Variants in MAP4K3 observed in about 807,000 individuals in gnomAD.
MAP4K3 encodes the protein MAPK/ERK kinase kinase kinase 3.
MAP4K3 carries 94 observed loss-of-function variants against 143.5 expected under a neutral mutation model. The ratio of observed to expected loss-of-function variants is 0.65; its 90% CI spans 0.55 to 0.78. The LOEUF (loss-of-function observed/expected upper bound fraction) is 0.78. Ranked by LOEUF, MAP4K3 falls within the 30% of genes least tolerant of loss-of-function variation. The probability of loss-of-function intolerance (pLI) is 0.00; values close to 1 mark genes in which losing one functional copy is unlikely to be tolerated. For synonymous variants in MAP4K3, 416 were observed against 347.2 expected, an observed-to-expected ratio of 1.20 and a Z score of -2.20; for missense variants, 1,077 against 1,068.1, an observed-to-expected ratio of 1.01 and a Z score of -0.12.
chr2:39,388,191 T>G (rs1389587677), intron 1 of MAP4K3, among the ~76,000 whole-genome samples: 4 of 152,166 alleles, frequency 2.6e-5, no homozygotes, highest in African/African-American at 4.8e-5. Context: ...AATTCCAACT[T>G]TGCACTATAG....
At position 39,352,087 on chromosome 2, in the gene MAP4K3, T is replaced by G. The variant is rs867297752; in HGVS notation, c.245+4162A>C. The stretch of plus-strand genomic sequence containing the variant: ...CGTGGTGGCTCACAAGGTCAGGAGT[T>G]AAAGACCAGCCTGGCCAATATGGTG... On this transcript the variant is annotated intron_variant, in intron 3 of 33. Transcript: ENST00000263881. 6.6e-5 allele frequency among the ~76,000 whole-genome samples: 10 copies of G among 152,282 alleles called. No homozygotes were observed. In the South Asian group the frequency reaches 2.1e-3, roughly 32 times the overall value.
intron 3 of MAP4K3, among the ~76,000 whole-genome samples, chr2:39,354,315 G>A (rs201881692): frequency 1.3e-5 from 2 of 152,146 alleles, no homozygotes; most frequent in East Asian, 1.9e-4. Context: ...GTGGTGGCAG[G>A]AGCCTGTAGT....
chr2:39,258,996 C>CA (rs111329023), intron 29 of MAP4K3, among the ~76,000 whole-genome samples: 11 of 144,812 alleles, frequency 7.6e-5, no homozygotes, highest in African/African-American at 2.7e-4. Flanking sequence ...TGGGAATTTA[C>CA]AAAAATGAAA....
At chr2:39,412,700 T>C (rs1468260975) in intron 1 of MAP4K3, among the ~76,000 whole-genome samples, 1 of 152,220 alleles carries the variant, frequency 6.6e-6, no homozygotes, top group Non-Finnish European at 1.5e-5. Flanking sequence ...GTTTATGAAG[T>C]ACTTACTATG....
At chr2:39,425,627 T>A (rs1207121341) in intron 1 of MAP4K3, among the ~76,000 whole-genome samples, 1 of 152,154 alleles carries the variant, frequency 6.6e-6, no homozygotes, top group Non-Finnish European at 1.5e-5. Context: ...AAACCTGGCA[T>A]CTTGATCTTG....
At chr2:39,267,320 T>A (rs1680806812) in intron 26 of MAP4K3, 73 bp from the exon 27 acceptor site, 6 of 1,172,560 alleles carry the variant, frequency 5.1e-6, no homozygotes, top group Non-Finnish European at 7.7e-6. Context: ...CTGTTATAGA[T>A]CAGTGCACAA....
At chr2:39,375,901 T>C (rs974506048) in intron 2 of MAP4K3, among the ~76,000 whole-genome samples, 1 of 152,260 alleles carries the variant, frequency 6.6e-6, no homozygotes, top group African/African-American at 2.4e-5. Context: ...TGTTACAGCA[T>C]GCTATCAGCA....
intron 26 of MAP4K3, among the ~76,000 whole-genome samples, chr2:39,267,738 T>A (rs1680825644): frequency 6.6e-6 from 1 of 151,062 alleles, no homozygotes; most frequent in South Asian, 2.1e-4. Context: ...CCCCAATCAG[T>A]TCCAAATGGG....
chr2:39,369,281 C>T (rs563710953), intron 2 of MAP4K3, among the ~76,000 whole-genome samples: 130 of 138,152 alleles, frequency 9.4e-4, no homozygotes, highest in Non-Finnish European at 1.7e-3. Flanking sequence ...CTGCAACCTC[C>T]GTCTCCCAGG....
At chr2:39,284,069 T>C (rs190966462) in intron 21 of MAP4K3, among the ~76,000 whole-genome samples, 9 of 152,368 alleles carry the variant, frequency 5.9e-5, no homozygotes, top group South Asian at 2.1e-4. Flanking sequence ...GATACCTTTT[T>C]ATTCCATTAT....
intron 1 of MAP4K3, among the ~76,000 whole-genome samples, chr2:39,418,179 G>A (rs1336726366): frequency 6.8e-6 from 1 of 146,562 alleles, no homozygotes; most frequent in African/African-American, 2.5e-5. Flanking sequence ...ACTCCAGCCT[G>A]GTAACAGAAC....
intron 4 of MAP4K3, among the ~76,000 whole-genome samples, chr2:39,338,361 T>C (rs1199821720): frequency 1.3e-5 from 2 of 152,204 alleles, no homozygotes; most frequent in African/African-American, 2.4e-5. Context: ...ATTAGCCAGA[T>C]AGCTATAAAA....
intron 12 of MAP4K3, among the ~76,000 whole-genome samples, chr2:39,320,868 G>A (rs996213824): frequency 2.6e-5 from 4 of 151,916 alleles, no homozygotes; most frequent in Non-Finnish European, 5.9e-5. Context: ...CTATCTTTGT[G>A]GAAACATAAT....
intron 2 of MAP4K3, among the ~76,000 whole-genome samples, chr2:39,367,377 A>G (rs1365742528): frequency 6.6e-6 from 1 of 152,038 alleles, no homozygotes; most frequent in Non-Finnish European, 1.5e-5. Flanking sequence ...CCTCATCTGT[A>G]GAAAAATTAA....
At chr2:39,396,987 G>A (rs1464029137) in intron 1 of MAP4K3, among the ~76,000 whole-genome samples, 1 of 152,104 alleles carries the variant, frequency 6.6e-6, no homozygotes. Flanking sequence ...ACTGGACTTA[G>A]CTAAGTTGTA....
intron 8 of MAP4K3, among the ~76,000 whole-genome samples, chr2:39,326,939 G>A (rs1279671993): frequency 6.6e-6 from 1 of 152,052 alleles, no homozygotes; most frequent in Non-Finnish European, 1.5e-5. Context: ...ATACAATACT[G>A]TGAGTCAATC....
chr2:39,259,800 A>T (rs1680493021), intron 29 of MAP4K3, among the ~76,000 whole-genome samples: 1 of 152,192 alleles, frequency 6.6e-6, no homozygotes, highest in Admixed American at 6.5e-5. Context: ...CTTAATTGGC[A>T]TTTAATTTGT....
intron 21 of MAP4K3, among the ~76,000 whole-genome samples, chr2:39,286,367 C>A (rs979795708): frequency 1.3e-5 from 2 of 152,212 alleles, no homozygotes; most frequent in African/African-American, 4.8e-5. Flanking sequence ...TCCTAACAGG[C>A]CACTGACCAT....
chr2:39,264,528 C>T (rs1300539870), intron 28 of MAP4K3, among the ~76,000 whole-genome samples: 2 of 152,024 alleles, frequency 1.3e-5, no homozygotes, highest in African/African-American at 2.4e-5. Flanking sequence ...AGCTATATTC[C>T]GACTCTAATT....
Sources: gnomAD v4.1 joint callset for allele counts (sites outside exome capture counted in the v4.1 genomes callset) on GRCh38, gnomAD v4.1.1 for gene constraint, MANE v1.5 for transcripts, NCBI Gene and HGNC (gene_info 2026-07-23, HGNC 2026-07-21) for gene names.